Variants in BCAR3 observed in about 807,000 individuals in gnomAD.
The protein encoded by BCAR3 is breast cancer anti-estrogen resistance protein 3.
BCAR3 carries 37 observed loss-of-function variants against 80.1 expected under a neutral mutation model. The ratio of observed to expected loss-of-function variants is 0.46; its 90% CI spans 0.36 to 0.61. The LOEUF is 0.61. Ranked by LOEUF, BCAR3 falls within the 20% of genes least tolerant of loss-of-function variation. The probability of loss-of-function intolerance (pLI) is 0.00; values close to 1 mark genes in which losing one functional copy is unlikely to be tolerated. For missense variants in BCAR3, 978 were observed against 1,068.2 expected (o/e 0.92, Z 1.18); for synonymous variants, 389 against 418.9 (o/e 0.93, Z 0.87).
intron 9 of BCAR3, among the ~76,000 whole-genome samples, chr1:93,569,766 G>A (rs1045610218): frequency 1.6e-4 from 24 of 152,204 alleles, no homozygotes; most frequent in East Asian, 3.9e-4. Flanking sequence ...GCAGGGAGCC[G>A]CCTACAAAGC....
intron 2 of BCAR3, among the ~76,000 whole-genome samples, chr1:93,768,060 G>A (rs1284263931): frequency 2.0e-5 from 3 of 152,182 alleles, no homozygotes; most frequent in Non-Finnish European, 4.4e-5. Context: ...TTCAGGCTTT[G>A]CCGAGGTACA....
intron 2 of BCAR3, among the ~76,000 whole-genome samples, chr1:93,718,962 A>G (rs1355127985): frequency 6.6e-6 from 1 of 151,846 alleles, no homozygotes; most frequent in African/African-American, 2.4e-5. Flanking sequence ...TCGGCCTCCC[A>G]AAGTGTTAGG....
At chr1:93,562,538 G>C (rs917186122) in intron 11 of BCAR3, 119 bp from the exon 12 acceptor site, 3 of 776,088 alleles carry the variant, frequency 3.9e-6, no homozygotes, top group African/African-American at 3.5e-5. Flanking sequence ...GGGAGGCCGA[G>C]GTGGGTGGAT....
intron 2 of BCAR3, among the ~76,000 whole-genome samples, chr1:93,809,057 A>G (rs934723629): frequency 3.9e-5 from 6 of 152,178 alleles, no homozygotes; most frequent in African/African-American, 1.4e-4. Context: ...GAGAAGCGGG[A>G]GGGAAGGGTA....
intron 2 of BCAR3, among the ~76,000 whole-genome samples, chr1:93,654,500 C>T (rs1246336911): frequency 6.6e-6 from 1 of 152,124 alleles, no homozygotes; most frequent in Non-Finnish European, 1.5e-5. Context: ...AGCTGACATC[C>T]TAAGTGGGAC....
intron 2 of BCAR3, among the ~76,000 whole-genome samples, chr1:93,742,484 A>G (rs976762001): frequency 6.6e-6 from 1 of 152,248 alleles, no homozygotes; most frequent in Non-Finnish European, 1.5e-5. Flanking sequence ...GGCTGTGATT[A>G]AAACCTGCTA....
intron 3 of BCAR3, among the ~76,000 whole-genome samples, chr1:93,689,795 CA>C (rs1649108255): frequency 6.6e-6 from 1 of 152,110 alleles, no homozygotes; most frequent in Non-Finnish European, 1.5e-5. Flanking sequence ...TGTTCTAGCG[CA>C]GGAGGAATGC....
At chr1:93,690,630 C>A (rs760755919) in intron 3 of BCAR3, among the ~76,000 whole-genome samples, 1 of 152,118 alleles carries the variant, frequency 6.6e-6, no homozygotes, top group Non-Finnish European at 1.5e-5. Context: ...CATTTGAATC[C>A]CAGATTTTGC....
intron 2 of BCAR3, among the ~76,000 whole-genome samples, chr1:93,832,412 G>A (rs944793696): frequency 4.6e-5 from 7 of 152,122 alleles, no homozygotes; most frequent in African/African-American, 7.2e-5. Flanking sequence ...CCATCTGTGC[G>A]GGACCCCACT....
intron 3 of BCAR3, among the ~76,000 whole-genome samples, chr1:93,626,095 A>C (rs942406712): frequency 1.3e-5 from 2 of 152,226 alleles, no homozygotes; most frequent in African/African-American, 4.8e-5. Context: ...AGATCTTTAC[A>C]GTATATCATG....
intron 3 of BCAR3, among the ~76,000 whole-genome samples, chr1:93,694,381 T>C (rs1649310277): frequency 8.3e-6 from 1 of 120,948 alleles, no homozygotes; most frequent in Non-Finnish European, 1.9e-5. Flanking sequence ...CCGGCTACTG[T>C]GACTGAGCCC....
chr1:93,593,936 G>C (rs1372291109), intron 3 of BCAR3, among the ~76,000 whole-genome samples: 1 of 152,172 alleles, frequency 6.6e-6, no homozygotes, highest in Non-Finnish European at 1.5e-5. Flanking sequence ...GTGTCTGAAG[G>C]ATGGAATTTG....
In BCAR3 at chr1:93,567,457, G is replaced by T. The variant is rs772359162; in HGVS notation, c.2121C>A (p.Val707=). 4 of 1,614,198 alleles carry T rather than the reference G, an allele frequency of 2.5e-6. No homozygotes were observed. The South Asian group carries it at 4.4e-5, about 18-fold the overall frequency. Residue 707 remains valine, a synonymous_variant, in exon 11 of 12, where the codon GTC becomes GTA. Transcript: ENST00000260502. ...ACGTCACAAGCGGCATCAGCAGTGG[G>T]ACTGATACATTGTTTGGGGGAACAC... ...STCVPPNNVS[V]PLLMPLVTLM...
At chr1:93,567,226 C>CATT in intron 11 of BCAR3, 53 bp downstream of exon 11, 1 of 1,584,552 alleles carries the variant, frequency 6.3e-7, no homozygotes, top group Non-Finnish European at 8.6e-7. Flanking sequence ...TCCATTCCTT[C>CATT]ATTTCAATTA....
chr1:93,623,984 T>C (rs892676873), intron 3 of BCAR3, among the ~76,000 whole-genome samples: 1 of 152,176 alleles, frequency 6.6e-6, no homozygotes, highest in Non-Finnish European at 1.5e-5. Flanking sequence ...TCCAGGGACT[T>C]CCATGGAAAT....
At chr1:93,631,197 T>A (rs188734637) in intron 3 of BCAR3, among the ~76,000 whole-genome samples, 2 of 152,284 alleles carry the variant, frequency 1.3e-5, no homozygotes, top group Middle Eastern at 6.8e-3. Flanking sequence ...TGTCCTCACA[T>A]GGCCTTCTCC....
At chr1:93,844,221 T>C (rs12097812) in intron 2 of BCAR3, among the ~76,000 whole-genome samples, 72,879 of 152,012 alleles carry the variant, frequency 0.48, 17,697 homozygotes, top group South Asian at 0.6. Context: ...GCAGGAGAAT[T>C]GCTTCAACTC....
At chr1:93,822,101 CAG>C (rs1571151284) in intron 2 of BCAR3, among the ~76,000 whole-genome samples, 1 of 151,838 alleles carries the variant, frequency 6.6e-6, no homozygotes, top group East Asian at 1.9e-4. Context: ...GGGCCAGAAA[CAG>C]TGTGGGCAAA....
At position 93,755,771 on chromosome 1, in the gene BCAR3, G is replaced by A. The variant is rs151179301; in HGVS notation, c.-62-49629C>T. On this transcript the variant is annotated intron_variant, in intron 2 of 13. Coordinates refer to the BCAR3 transcript ENST00000370244. ...GTGAAGAGGTATGTGTGTGTTGTAC[G>A]TGTGCGTGTGCATGTGTGTGCGTGC... Among the ~76,000 whole-genome samples the A allele has an allele frequency of 7.6e-4, 115 of 152,272 alleles. 3 individuals carry two copies. In the East Asian group the frequency reaches 0.019, roughly 25 times the overall value.
Sources: gnomAD v4.1 joint callset for allele counts (sites outside exome capture counted in the v4.1 genomes callset) on GRCh38, gnomAD v4.1.1 for gene constraint, MANE v1.5 for transcripts, NCBI Gene and HGNC (gene_info 2026-07-23, HGNC 2026-07-21) for gene names.